CSMD3: variants seen among roughly 807,000 people sequenced by gnomAD.
CSMD3 encodes the protein CUB and Sushi multiple domains 3.
A neutral mutation model predicts 435.2 loss-of-function variants in CSMD3; 177 were observed. The ratio of observed to expected loss-of-function variants is 0.41; its 90% CI spans 0.36 to 0.46. The LOEUF is 0.46. Among genes scored for constraint, CSMD3 ranks in the 20% least tolerant of loss-of-function variants. The probability of loss-of-function intolerance (pLI) is 0.34; values close to 1 mark genes in which losing one functional copy is unlikely to be tolerated. For missense variants in CSMD3, 4,265 were observed against 4,504.6 expected (o/e 0.95, Z 1.52); for synonymous variants, 1,656 against 1,520.5 (o/e 1.09, Z -2.07).
intron 5 of CSMD3, among the ~76,000 whole-genome samples, chr8:113,068,225 T>C (rs774646925): frequency 5.3e-5 from 8 of 152,162 alleles, no homozygotes; most frequent in Non-Finnish European, 1.5e-5. Flanking sequence ...GAATTCTCGA[T>C]GACAAACAGC....
chr8:112,248,431 TG>T (rs1035730403), intron 63 of CSMD3, among the ~76,000 whole-genome samples: 1 of 152,058 alleles, frequency 6.6e-6, no homozygotes, highest in Non-Finnish European at 1.5e-5. Flanking sequence ...GCAGTAAGCC[TG>T]GGGAAAAAAG....
rs2076491494 is a variant in CSMD3, at chr8:112,706,005, T to C, written c.1973-15955A>G. On this transcript the variant is annotated intron_variant, in intron 13 of 70. Transcript: ENST00000297405. Reference sequence around the variant, plus strand: ...CTTCAAAGGAACTCCTTGACATTTGTCCTCAGTTTGGGACTAGGTACTGTG... The same window carrying C: ...CTTCAAAGGAACTCCTTGACATTTGCCCTCAGTTTGGGACTAGGTACTGTG... Among the ~76,000 whole-genome samples, 3 of 152,074 alleles carry C rather than the reference T, an allele frequency of 2.0e-5. No individual in the cohort carries two copies. The South Asian group carries it at 6.2e-4, about 31-fold the overall frequency.
chr8:112,934,477 A>G (rs1218968233), intron 9 of CSMD3, among the ~76,000 whole-genome samples: 1 of 152,186 alleles, frequency 6.6e-6, no homozygotes. Context: ...TTCAGTTTCA[A>G]TATTATACAA....
intron 13 of CSMD3, among the ~76,000 whole-genome samples, chr8:112,767,236 C>A (rs1397527167): frequency 6.6e-6 from 1 of 151,692 alleles, no homozygotes; most frequent in African/African-American, 2.4e-5. Flanking sequence ...GCCTCAGAAA[C>A]AATATTACAA....
chr8:113,163,122 C>G (rs1208000390), intron 4 of CSMD3, among the ~76,000 whole-genome samples: 1 of 151,984 alleles, frequency 6.6e-6, no homozygotes, highest in Non-Finnish European at 1.5e-5. Flanking sequence ...GTTATCTCTC[C>G]TATAATATGA....
At chr8:112,415,496 C>G (rs1811812884) in intron 32 of CSMD3, among the ~76,000 whole-genome samples, 1 of 152,150 alleles carries the variant, frequency 6.6e-6, no homozygotes. Context: ...TGCTAGGGCA[C>G]TGTGGAAGGG....
chr8:113,320,131 T>C (rs960468845), intron 1 of CSMD3, among the ~76,000 whole-genome samples: 9 of 152,106 alleles, frequency 5.9e-5, no homozygotes, highest in East Asian at 5.8e-4. Context: ...TGAGAACACA[T>C]AGAAGTAAAA....
intron 3 of CSMD3, among the ~76,000 whole-genome samples, chr8:113,174,937 CTAAT>C (rs1376269230): frequency 2.0e-5 from 3 of 151,676 alleles, no homozygotes; most frequent in African/African-American, 7.2e-5. Flanking sequence ...TCAAGGGAAA[CTAAT>C]TAAGACTATA....
At chr8:112,824,255 C>T (rs1449934956) in intron 12 of CSMD3, among the ~76,000 whole-genome samples, 1 of 152,036 alleles carries the variant, frequency 6.6e-6, no homozygotes, top group African/African-American at 2.4e-5. Context: ...ACTCTTTATC[C>T]AATTTGTCAG....
At chr8:112,400,733 C>T (rs554713029) in intron 35 of CSMD3, among the ~76,000 whole-genome samples, 9 of 152,114 alleles carry the variant, frequency 5.9e-5, no homozygotes, top group Non-Finnish European at 1.3e-4. Context: ...ACTGTACTTG[C>T]TAAGATAAAT....
At chr8:113,082,576 G>T (rs1316627902) in intron 5 of CSMD3, among the ~76,000 whole-genome samples, 2 of 151,530 alleles carry the variant, frequency 1.3e-5, no homozygotes, top group Non-Finnish European at 2.9e-5. Flanking sequence ...TAAGAAACAT[G>T]AGAAAAACAA....
Position 113,048,373 on chromosome 8 carries a change from G to C in CSMD3, c.918-29194C>G, listed in dbSNP as rs1250472363. ...CTCCCAAAGTGCTGGGATTACAGGC[G>C]TGAGCCACCGCGCCCAGCCAAACTT... is the stretch of plus-strand genomic sequence containing the variant. On this transcript the variant is annotated intron_variant, in intron 5 of 70. Transcript: ENST00000297405. Among the ~76,000 whole-genome samples, 3 of 152,048 alleles carry C rather than the reference G, an allele frequency of 2.0e-5. No homozygotes were observed. In the East Asian group the frequency reaches 5.8e-4, roughly 29 times the overall value.
At chr8:112,684,324 C>CAA (rs2075966773) in intron 15 of CSMD3, among the ~76,000 whole-genome samples, 2 of 152,028 alleles carry the variant, frequency 1.3e-5, no homozygotes, top group Admixed American at 1.3e-4. Flanking sequence ...TTACAATTTA[C>CAA]AGCGACACTA....
At chr8:112,438,504 C>T (rs1172887126) in intron 32 of CSMD3, among the ~76,000 whole-genome samples, 1 of 152,056 alleles carries the variant, frequency 6.6e-6, no homozygotes, top group Admixed American at 6.5e-5. Context: ...TCTCTTTTAA[C>T]AAAATTTTCT....
intron 9 of CSMD3, among the ~76,000 whole-genome samples, chr8:112,935,550 T>C (rs924040531): frequency 6.6e-6 from 1 of 152,120 alleles, no homozygotes; most frequent in Non-Finnish European, 1.5e-5. Context: ...ATTTGTAACT[T>C]ATTTAGTTTC....
chr8:112,396,928 A>C (rs1284326545), intron 35 of CSMD3, among the ~76,000 whole-genome samples: 1 of 152,154 alleles, frequency 6.6e-6, no homozygotes, highest in Non-Finnish European at 1.5e-5. Context: ...ATAAAAAGCT[A>C]TCTGTTCTAA....
chr8:112,261,858 T>C (rs1816435317), intron 61 of CSMD3, among the ~76,000 whole-genome samples: 1 of 151,942 alleles, frequency 6.6e-6, no homozygotes, highest in African/African-American at 2.4e-5. Context: ...TGAGAGGAAA[T>C]AGCTGTCCAG....
At chr8:112,768,737 A>AACAAT (rs1273844870) in intron 13 of CSMD3, among the ~76,000 whole-genome samples, 2 of 151,748 alleles carry the variant, frequency 1.3e-5, no homozygotes, top group African/African-American at 4.8e-5. Flanking sequence ...AACAAAACAA[A>AACAAT]ATTCCTTTGC....
chr8:112,926,537 C>T (rs578004116), intron 9 of CSMD3, among the ~76,000 whole-genome samples: 1 of 152,214 alleles, frequency 6.6e-6, no homozygotes, highest in African/African-American at 2.4e-5. Context: ...TTGACCTTCT[C>T]ATGATTATGC....
Sources: gnomAD v4.1 joint callset for allele counts (sites outside exome capture counted in the v4.1 genomes callset) on GRCh38, gnomAD v4.1.1 for gene constraint, MANE v1.5 for transcripts, NCBI Gene and HGNC (gene_info 2026-07-23, HGNC 2026-07-21) for gene names.